Variants in MED27 observed in about 807,000 individuals in gnomAD.
MED27 encodes the protein mediator of RNA polymerase II transcription subunit 27.
MED27 carries 30 observed loss-of-function variants against 38.2 expected under a neutral mutation model. The ratio of observed to expected loss-of-function variants is 0.79; its 90% CI spans 0.59 to 1.07. The LOEUF (loss-of-function observed/expected upper bound fraction) is 1.07. Ranked by LOEUF, MED27 falls within the 50% of genes least tolerant of loss-of-function variation. MED27 has a pLI of 0.00. For synonymous variants in MED27, 122 were observed against 153.5 expected, an observed-to-expected ratio of 0.79 and a Z score of 1.52; for missense variants, 289 against 397.5, an observed-to-expected ratio of 0.73 and a Z score of 2.32.
At chr9:131,867,011 C>T (rs945618678) in intron 6 of MED27, among the ~76,000 whole-genome samples, 15 of 152,206 alleles carry the variant, frequency 9.9e-5, no homozygotes, top group Admixed American at 2.6e-4. Context: ...CAGGCTCCCC[C>T]GATGGGGCTT....
At chr9:132,031,847 CACACT>C (rs1270804766) in intron 2 of MED27, 2 of 151,930 alleles carry the variant, frequency 1.3e-5, no homozygotes, top group African/African-American at 4.8e-5. Flanking sequence ...GAAGCCCCTA[CACACT>C]ACAAAATGTG....
At position 131,948,282 on chromosome 9, in the gene MED27, C is replaced by T. The variant is rs902398910; in HGVS notation, c.480-8808G>A. On this transcript the variant is annotated intron_variant, in intron 3 of 7. Coordinates refer to ENST00000292035, the MANE Select transcript of MED27 (RefSeq NM_004269.4). Reference sequence around the variant, plus strand: ...GGAGGATCAGTTGAGGTCAGGAGTTCGAGACCAACATGGCCAATATGGTGA... The same window carrying T: ...GGAGGATCAGTTGAGGTCAGGAGTTTGAGACCAACATGGCCAATATGGTGA... 3.9e-5 allele frequency among the ~76,000 whole-genome samples: 6 copies of T among 152,046 alleles called. No homozygotes were observed. In the South Asian group the frequency reaches 1.2e-3, roughly 32 times the overall value.
chr9:131,876,241 C>T (rs1838930254), intron 6 of MED27, among the ~76,000 whole-genome samples: 1 of 152,222 alleles, frequency 6.6e-6, no homozygotes, highest in Non-Finnish European at 1.5e-5. Context: ...CACAACCCTT[C>T]AGGAAGAAAC....
intron 3 of MED27, among the ~76,000 whole-genome samples, chr9:131,973,536 C>A (rs1362183733): frequency 6.3e-5 from 9 of 143,198 alleles, no homozygotes; most frequent in African/African-American, 2.4e-4. Flanking sequence ...CGGCTCACTA[C>A]AACCTCCGCC....
chr9:131,914,499 A>G (rs753456302), intron 4 of MED27, among the ~76,000 whole-genome samples: 2 of 152,222 alleles, frequency 1.3e-5, no homozygotes, highest in Non-Finnish European at 2.9e-5. Flanking sequence ...GCCAGGTGCT[A>G]CTGTATATGA....
intron 3 of MED27, among the ~76,000 whole-genome samples, chr9:132,007,054 C>T (rs1832373914): frequency 1.3e-5 from 2 of 152,210 alleles, no homozygotes; most frequent in South Asian, 4.1e-4. Flanking sequence ...TTCAGTTAAA[C>T]TCCCAGAGCC....
rs545242151 is a variant in MED27 at position 131,982,770 on chromosome 9, C to G, written c.479+31567G>C. On this transcript the variant is annotated intron_variant, in intron 3 of 7. Transcript: ENST00000292035. The surrounding 1 kb of genome is among the most constrained non-coding windows in gnomAD (Gnocchi z 4.3). Reference sequence around the variant, plus strand: ...CAGCTTTTCTGGCTACAGGATCTGCCGCAATGCCTGACCTCTGTGCATCTC... The same window carrying G: ...CAGCTTTTCTGGCTACAGGATCTGCGGCAATGCCTGACCTCTGTGCATCTC... 6.6e-6 allele frequency among the ~76,000 whole-genome samples: 1 copy of G among 152,138 alleles called. No individual in the cohort carries two copies. Among genetic ancestry groups the G allele is most frequent in the African/African-American group, 2.4e-5 (1 of 41,416 alleles).
chr9:131,885,526 C>A (rs1839124654), intron 5 of MED27, among the ~76,000 whole-genome samples: 1 of 152,116 alleles, frequency 6.6e-6, no homozygotes, highest in Non-Finnish European at 1.5e-5. Flanking sequence ...TCTAGGGCAC[C>A]CCTACTTGAC....
intron 3 of MED27, among the ~76,000 whole-genome samples, chr9:131,989,148 A>G (rs1242078047): frequency 3.3e-5 from 5 of 152,216 alleles, no homozygotes; most frequent in Non-Finnish European, 5.9e-5. Context: ...AACTACTATA[A>G]GGTATAAATA....
intron 3 of MED27, among the ~76,000 whole-genome samples, chr9:131,959,519 T>C (rs561579226): frequency 5.3e-5 from 8 of 152,310 alleles, no homozygotes; most frequent in African/African-American, 1.7e-4. Flanking sequence ...CTCCTCCTTG[T>C]ACAGAGGGCC....
intron 2 of MED27, among the ~76,000 whole-genome samples, chr9:132,063,143 C>G (rs1833735792): frequency 6.6e-6 from 1 of 152,164 alleles, no homozygotes; most frequent in Non-Finnish European, 1.5e-5. Context: ...GATGCAGTCA[C>G]TAGGAAGTGC....
Position 132,005,903 on chromosome 9 carries a change from G to T in MED27, c.479+8434C>A, listed in dbSNP as rs181689566. On this transcript the variant is annotated intron_variant, in intron 3 of 7. Coordinates refer to ENST00000292035, the MANE Select transcript of MED27 (RefSeq NM_004269.4). ...AAACTGATCTCCTCCTTATTAATATGGTCCCGCAATGGAGAGAAAAGATTT... is the reference window on the plus strand; with the variant it reads ...AAACTGATCTCCTCCTTATTAATATTGTCCCGCAATGGAGAGAAAAGATTT... Among the ~76,000 whole-genome samples, 12 of 152,238 alleles carry T rather than the reference G, an allele frequency of 7.9e-5. No individual in the cohort carries two copies. The East Asian group carries it at 2.1e-3, about 27-fold the overall frequency.
chr9:132,053,800 A>C (rs1239785988), intron 2 of MED27, among the ~76,000 whole-genome samples: 2 of 152,178 alleles, frequency 1.3e-5, no homozygotes, highest in African/African-American at 4.8e-5. Context: ...CAAAGCGTGG[A>C]GTGTACCCCT....
intron 2 of MED27, among the ~76,000 whole-genome samples, chr9:132,067,906 G>A (rs947360679): frequency 2.6e-5 from 4 of 152,228 alleles, no homozygotes; most frequent in Admixed American, 1.3e-4. Context: ...TAGAGACGGG[G>A]TTTCACCGTG....
chr9:131,945,493 GTTA>G (rs1225237483), intron 3 of MED27, among the ~76,000 whole-genome samples: 1 of 152,064 alleles, frequency 6.6e-6, no homozygotes, highest in Non-Finnish European at 1.5e-5. Context: ...ATAATACATT[GTTA>G]TTAACTACAG....
chr9:132,045,907 A>G (rs1479105439), intron 2 of MED27, among the ~76,000 whole-genome samples: 2 of 152,174 alleles, frequency 1.3e-5, no homozygotes, highest in Non-Finnish European at 2.9e-5. Flanking sequence ...TACTTCCTCC[A>G]GGTTGCTGCT....
intron 2 of MED27, among the ~76,000 whole-genome samples, chr9:132,039,016 T>A (rs1833145930): frequency 6.6e-6 from 1 of 152,252 alleles, no homozygotes; most frequent in South Asian, 2.1e-4. Flanking sequence ...TCAACCTGGT[T>A]TCATTATGGC....
chr9:132,054,252 C>T (rs958458251), intron 2 of MED27, among the ~76,000 whole-genome samples: 3 of 152,106 alleles, frequency 2.0e-5, no homozygotes, highest in African/African-American at 4.8e-5. Context: ...TAAAAGTGTG[C>T]GGCACCGCCC....
intron 6 of MED27, chr9:131,868,599 AGAG>A (rs1176590562): frequency 6.1e-6 from 6 of 985,492 alleles, no homozygotes; most frequent in Non-Finnish European, 7.2e-6. Context: ...TACATTGGAC[AGAG>A]GAGGAGTGAG....
Sources: allele counts gnomAD v4.1 joint callset (sites outside exome capture counted in the v4.1 genomes callset), GRCh38; gene constraint gnomAD v4.1.1; non-coding constraint Gnocchi (gnomAD v3.1); transcripts MANE v1.5; gene names NCBI Gene and HGNC (gene_info 2026-07-23, HGNC 2026-07-21).